CDK5RAP2: variants seen among roughly 807,000 people sequenced by gnomAD.
CDK5RAP2 encodes CDK5 regulatory subunit associated protein 2.
In CDK5RAP2, 147 loss-of-function variants were observed where a neutral mutation model predicts 232.9. That is an observed-to-expected ratio of 0.63 (90% CI 0.55 to 0.72). CDK5RAP2 has a LOEUF of 0.72. Ranked by LOEUF, CDK5RAP2 falls within the 30% of genes least tolerant of loss-of-function variation. The pLI is 0.00. For synonymous variants in CDK5RAP2, 833 were observed against 833.7 expected (o/e 1.00, Z 0.01); for missense variants, 2,195 against 2,231.5 (o/e 0.98, Z 0.33).
chr9:120,408,500 G>A (rs778986149), intron 30 of CDK5RAP2, 32 bp from the exon 31 acceptor site: 34 of 1,613,470 alleles, frequency 2.1e-5, no homozygotes, highest in Non-Finnish European at 2.7e-5. Flanking sequence ...GAGAAGGACA[G>A]GTTAATTCTA....
At chr9:120,549,232 T>G (rs903486459) in intron 4 of CDK5RAP2, among the ~76,000 whole-genome samples, 1 of 151,900 alleles carries the variant, frequency 6.6e-6, no homozygotes, top group Non-Finnish European at 1.5e-5. Flanking sequence ...ATGCTTGCAC[T>G]TATGTAAAAA....
intron 36 of CDK5RAP2, 25 bp downstream of exon 36, chr9:120,394,487 A>T: frequency 6.2e-7 from 1 of 1,613,992 alleles, no homozygotes; most frequent in South Asian, 1.1e-5. Flanking sequence ...GGTCAGGCAT[A>T]GCGGCCACCC....
intron 13 of CDK5RAP2, among the ~76,000 whole-genome samples, chr9:120,489,013 G>C (rs575364005): frequency 6.6e-6 from 1 of 152,124 alleles, no homozygotes; most frequent in South Asian, 2.1e-4. Flanking sequence ...ATCATCCTAC[G>C]AGAGCTTCCA....
chr9:120,550,522 C>T (rs1292443871), intron 4 of CDK5RAP2, among the ~76,000 whole-genome samples: 3 of 152,116 alleles, frequency 2.0e-5, no homozygotes, highest in Admixed American at 6.6e-5. Context: ...CTAAAGAACA[C>T]GTAATTATAA....
Position 120,388,897 on chromosome 9 carries a change from T to A in CDK5RAP2, c.*339A>T, listed in dbSNP as rs1354734687. 5 of 370,926 alleles carry A rather than the reference T, an allele frequency of 1.3e-5. No individual in the cohort carries two copies. Among genetic ancestry groups the A allele is most frequent in the Non-Finnish European group, 2.4e-5 (5 of 205,234 alleles). The allele number at this position is 370,926 out of a possible 1,614,324, so 23.0% of individuals were successfully genotyped here. A position where few individuals can be genotyped will look rare whatever the true frequency, so the allele number is the denominator to read the frequency against. On this transcript the variant is annotated 3_prime_UTR_variant, in exon 38 of 38. Coordinates refer to ENST00000349780, the MANE Select transcript of CDK5RAP2 (RefSeq NM_018249.6). The stretch of plus-strand genomic sequence containing the variant: ...AGGTGAAATGAAATGAATCATTTAA[T>A]GAGAATCTTCAAACTGTGGCACTGG...
chr9:120,562,001 C>G (rs1316317252), intron 3 of CDK5RAP2, among the ~76,000 whole-genome samples: 4 of 152,210 alleles, frequency 2.6e-5, no homozygotes, highest in African/African-American at 9.6e-5. Context: ...GTTGTTTAAT[C>G]TCTCCAACCT....
intron 4 of CDK5RAP2, among the ~76,000 whole-genome samples, chr9:120,550,540 A>C (rs879940526): frequency 6.6e-6 from 1 of 152,190 alleles, no homozygotes; most frequent in African/African-American, 2.4e-5. Context: ...TAAAAACTTA[A>C]CTGAGGTAAA....
chr9:120,512,348 CAAAT>C (rs1465912064), intron 12 of CDK5RAP2, among the ~76,000 whole-genome samples: 1 of 152,160 alleles, frequency 6.6e-6, no homozygotes, highest in African/African-American at 2.4e-5. Context: ...GACCCTGTCT[CAAAT>C]GAATTAATTA....
At chr9:120,479,630 C>T (rs969252161) in intron 14 of CDK5RAP2, among the ~76,000 whole-genome samples, 1 of 152,198 alleles carries the variant, frequency 6.6e-6, no homozygotes, top group Non-Finnish European at 1.5e-5. Context: ...AAACACCAGA[C>T]AAACAACCCA....
chr9:120,393,044 G>C (rs529578218), intron 36 of CDK5RAP2, among the ~76,000 whole-genome samples: 1 of 152,258 alleles, frequency 6.6e-6, no homozygotes, highest in East Asian at 1.9e-4. Flanking sequence ...CACGTCCTAA[G>C]CATGTCCCTG....
At chr9:120,561,301 C>T (rs1361069624) in intron 3 of CDK5RAP2, among the ~76,000 whole-genome samples, 1 of 151,884 alleles carries the variant, frequency 6.6e-6, no homozygotes, top group Non-Finnish European at 1.5e-5. Flanking sequence ...GGAGAAATAA[C>T]AGAATTTTTT....
rs371250617 is a variant in CDK5RAP2, at chr9:120,573,008, G to A, written c.60-967C>T. On this transcript the variant is annotated intron_variant, in intron 1 of 37. Transcript: ENST00000349780. Reference sequence around the variant, plus strand: ...GTTCTGTGGAGAGCCAGGTCCAGAAGCCAGGTCTTTTATGTCCAACTCCCA... The same window carrying A: ...GTTCTGTGGAGAGCCAGGTCCAGAAACCAGGTCTTTTATGTCCAACTCCCA... Among the ~76,000 whole-genome samples the A allele has an allele frequency of 2.6e-5, 4 of 152,340 alleles. No individual in the cohort carries two copies. The East Asian group carries it at 7.7e-4, about 29-fold the overall frequency.
At chr9:120,521,677 G>A (rs1282221559) in intron 11 of CDK5RAP2, among the ~76,000 whole-genome samples, 12 of 126,210 alleles carry the variant, frequency 9.5e-5, no homozygotes, top group Admixed American at 2.0e-4. Flanking sequence ...AGACAGTCTC[G>A]CTCTGTTGCC....
chr9:120,537,924 T>C (rs987587554), intron 6 of CDK5RAP2, among the ~76,000 whole-genome samples: 4 of 152,222 alleles, frequency 2.6e-5, no homozygotes, highest in Non-Finnish European at 5.9e-5. Context: ...GGTAGGCAAA[T>C]ACCTTATCCT....
chr9:120,407,331 C>A, intron 31 of CDK5RAP2, 83 bp from the exon 32 acceptor site: 2 of 980,336 alleles, frequency 2.0e-6, no homozygotes, highest in Non-Finnish European at 3.3e-6. Flanking sequence ...GCATTTTACA[C>A]TCACCACCAC....
chr9:120,466,114 C>T (rs2037365632), intron 18 of CDK5RAP2, among the ~76,000 whole-genome samples: 1 of 152,134 alleles, frequency 6.6e-6, no homozygotes. Flanking sequence ...TTGCTTTTCC[C>T]CCCTCCTTTT....
intron 27 of CDK5RAP2, among the ~76,000 whole-genome samples, chr9:120,417,827 C>T (rs1328486869): frequency 1.3e-5 from 2 of 152,090 alleles, no homozygotes; most frequent in Non-Finnish European, 2.9e-5. Context: ...CCTAGCAGTT[C>T]CAATTTATAG....
At chr9:120,530,642 T>A (rs1309624892) in intron 7 of CDK5RAP2, among the ~76,000 whole-genome samples, 1 of 151,640 alleles carries the variant, frequency 6.6e-6, no homozygotes, top group East Asian at 1.9e-4. Flanking sequence ...ATTAAGAAAA[T>A]GTGGCACATA....
intron 17 of CDK5RAP2, among the ~76,000 whole-genome samples, chr9:120,469,752 A>G (rs1003398473): frequency 6.6e-6 from 1 of 152,240 alleles, no homozygotes; most frequent in Non-Finnish European, 1.5e-5. Flanking sequence ...CTAGCAAGGA[A>G]ATATAGACAA....
Sources: allele counts gnomAD v4.1 joint callset (sites outside exome capture counted in the v4.1 genomes callset), GRCh38; gene constraint gnomAD v4.1.1; transcripts MANE v1.5; gene names NCBI Gene and HGNC (gene_info 2026-07-23, HGNC 2026-07-21).